Variants in SPATA6 observed in about 807,000 individuals in gnomAD.
The protein encoded by SPATA6 is spermatogenesis-associated protein 6.
Under a neutral mutation model 65.3 loss-of-function variants are expected in SPATA6, and 56 were observed. The observed-to-expected ratio is 0.86, with a 90% confidence interval of 0.69 to 1.07. SPATA6 has a LOEUF of 1.07. SPATA6 is among the 50% of genes least tolerant of loss of function. The pLI is 0.00. For missense variants in SPATA6, 590 were observed against 594.8 expected, an observed-to-expected ratio of 0.99 and a Z score of 0.08; for synonymous variants, 199 against 213.2, an observed-to-expected ratio of 0.93 and a Z score of 0.58.
At chr1:48,360,678 T>C (rs915853759) in intron 9 of SPATA6, among the ~76,000 whole-genome samples, 2 of 152,182 alleles carry the variant, frequency 1.3e-5, no homozygotes, top group Admixed American at 1.3e-4. Context: ...CCTGACTTTT[T>C]CCTTCTATAA....
intron 3 of SPATA6, among the ~76,000 whole-genome samples, chr1:48,438,582 T>C (rs1655164477): frequency 6.6e-6 from 1 of 152,150 alleles, no homozygotes; most frequent in African/African-American, 2.4e-5. Flanking sequence ...TGACAAAAAG[T>C]TGGTTGGCCC....
At chr1:48,396,159 C>T (rs895952858) in intron 7 of SPATA6, among the ~76,000 whole-genome samples, 1 of 151,752 alleles carries the variant, frequency 6.6e-6, no homozygotes, top group African/African-American at 2.4e-5. Flanking sequence ...TAGTGAGATA[C>T]TACTTCACTG....
intron 1 of SPATA6, among the ~76,000 whole-genome samples, chr1:48,469,447 C>T (rs1323694214): frequency 1.4e-5 from 2 of 140,802 alleles, no homozygotes; most frequent in African/African-American, 5.3e-5. Context: ...TATACGCTAC[C>T]TATTTCATAA....
chr1:48,312,724 A>C (rs1645258606), intron 11 of SPATA6, among the ~76,000 whole-genome samples: 1 of 151,112 alleles, frequency 6.6e-6, no homozygotes, highest in South Asian at 2.2e-4. Flanking sequence ...TGAGAGAAGA[A>C]GGCTTCAGAT....
At chr1:48,395,449 A>G (rs1650498379) in intron 7 of SPATA6, 95 bp from the exon 8 acceptor site, 1 of 721,906 alleles carries the variant, frequency 1.4e-6, no homozygotes, top group South Asian at 5.2e-5. Context: ...TACAGAGAGC[A>G]TATATAATCA....
chr1:48,272,138 A>G, the SPATA6 span, among the ~76,000 whole-genome samples: 13 of 152,202 alleles, frequency 8.5e-5, no homozygotes, highest in Admixed American at 2.0e-4. Context: ...AATGATGTCA[A>G]TCAAGCTAAT....
intron 9 of SPATA6, among the ~76,000 whole-genome samples, chr1:48,368,194 G>A (rs577459079): frequency 4.9e-4 from 74 of 152,258 alleles, no homozygotes; most frequent in Non-Finnish European, 9.4e-4. Context: ...TCCCTCTGTG[G>A]GTAACCCGAC....
intron 11 of SPATA6, among the ~76,000 whole-genome samples, chr1:48,340,734 A>G (rs1646192765): frequency 6.6e-6 from 1 of 152,068 alleles, no homozygotes; most frequent in South Asian, 2.1e-4. Flanking sequence ...AATCAAAAGA[A>G]AAGTTAAATA....
chr1:48,285,851 C>T, the SPATA6 span, among the ~76,000 whole-genome samples: 2 of 152,300 alleles, frequency 1.3e-5, no homozygotes, highest in African/African-American at 2.4e-5. Context: ...ATTGTTCTTG[C>T]TGGGAGCTGC....
intron 3 of SPATA6, among the ~76,000 whole-genome samples, chr1:48,438,309 C>T (rs1257103575): frequency 2.0e-5 from 3 of 152,244 alleles, no homozygotes; most frequent in South Asian, 4.2e-4. Flanking sequence ...TACCATCGGA[C>T]CCCTTTTGCT....
chr1:48,436,321 A>G, intron 3 of SPATA6: 3 of 1,612,858 alleles, frequency 1.9e-6, no homozygotes, highest in African/African-American at 1.3e-5. Context: ...GCATCCCAAT[A>G]TTACAACTTA....
chr1:48,453,348 T>C (rs1338392850), intron 1 of SPATA6, among the ~76,000 whole-genome samples: 1 of 152,210 alleles, frequency 6.6e-6, no homozygotes, highest in Non-Finnish European at 1.5e-5. Flanking sequence ...ATTTTCCATT[T>C]GGTTACTTGT....
chr1:48,342,140 G>A (rs1422180197), intron 11 of SPATA6, among the ~76,000 whole-genome samples: 1 of 152,086 alleles, frequency 6.6e-6, no homozygotes, highest in Non-Finnish European at 1.5e-5. Context: ...TATACTATGG[G>A]ATCTCTGTCA....
chr1:48,284,914 C>G, the SPATA6 span, among the ~76,000 whole-genome samples: 1 of 152,134 alleles, frequency 6.6e-6, no homozygotes, highest in East Asian at 1.9e-4. Context: ...GGCTCAGGAC[C>G]CACTTGAGGA....
At chr1:48,457,390 C>G (rs1370170172) in intron 1 of SPATA6, among the ~76,000 whole-genome samples, 1 of 151,678 alleles carries the variant, frequency 6.6e-6, no homozygotes, top group Non-Finnish European at 1.5e-5. Flanking sequence ...CAAGATCACA[C>G]CACTGCACTC....
chr1:48,372,164 C>G (rs1647352053), intron 9 of SPATA6, among the ~76,000 whole-genome samples: 1 of 152,126 alleles, frequency 6.6e-6, no homozygotes, highest in Non-Finnish European at 1.5e-5. Flanking sequence ...CCCAAAAGTC[C>G]ACAGTCCAAA....
At chr1:48,272,942 T>A in the SPATA6 span, among the ~76,000 whole-genome samples, 1 of 152,310 alleles carries the variant, frequency 6.6e-6, no homozygotes, top group East Asian at 1.9e-4. Flanking sequence ...TTTGAGGTCC[T>A]TTGTCCATTT....
At chr1:48,363,366 T>C (rs887424839) in intron 9 of SPATA6, among the ~76,000 whole-genome samples, 1 of 152,166 alleles carries the variant, frequency 6.6e-6, no homozygotes, top group Non-Finnish European at 1.5e-5. Flanking sequence ...GTATCTTCAA[T>C]AATACTGGCT....
intron 3 of SPATA6, among the ~76,000 whole-genome samples, chr1:48,418,948 T>C (rs368470511): frequency 6.6e-6 from 1 of 151,684 alleles, no homozygotes; most frequent in African/African-American, 2.4e-5. Context: ...ATCAAATGAG[T>C]TAAACAATCT....
Sources: allele counts gnomAD v4.1 joint callset (sites outside exome capture counted in the v4.1 genomes callset), GRCh38; gene constraint gnomAD v4.1.1; transcripts MANE v1.5; gene names NCBI Gene and HGNC (gene_info 2026-07-23, HGNC 2026-07-21).